GRB2: variants seen among roughly 807,000 people sequenced by gnomAD.
GRB2 encodes the protein growth factor receptor-bound protein 2.
Under a neutral mutation model 27.4 loss-of-function variants are expected in GRB2, and 2 were observed. The observed-to-expected ratio is 0.07, with a 90% CI of 0.03 to 0.23. GRB2 has a LOEUF of 0.23. Among genes scored for constraint, GRB2 ranks in the 10% least tolerant of loss-of-function variants. The pLI is 1.00. For synonymous variants in GRB2, 94 were observed against 99.6 expected (o/e 0.94, Z 0.33); for missense variants, 102 against 282.4 (o/e 0.36, Z 4.58).
chr17:75,328,189 T>C (rs566352955), intron 3 of GRB2, among the ~76,000 whole-genome samples: 2 of 150,934 alleles, frequency 1.3e-5, no homozygotes, highest in African/African-American at 4.9e-5. Flanking sequence ...ATGGGCACAG[T>C]GGTGGGCACC....
In GRB2 at chr17:75,391,807, C is replaced by CAAA. The variant is rs60382091; in HGVS notation, c.78+1741_78+1743dup. Reference sequence around the variant, plus strand: ...TGGGTGACAGAGCGAGACTCCATCTCAAAAAAAAAAAAAAAAAAAAAATTC... The same window carrying CAAA: ...TGGGTGACAGAGCGAGACTCCATCTCAAAAAAAAAAAAAAAAAAAAAAAAATTC... On this transcript the variant is annotated intron_variant, in intron 2 of 5. Coordinates refer to ENST00000316804, the MANE Select transcript of GRB2 (RefSeq NM_002086.5). Among the ~76,000 whole-genome samples the CAAA allele has an allele frequency of 1.9e-3, 226 of 121,740 alleles. 2 individuals are homozygous for CAAA. The highest frequency in any genetic ancestry group is 4.9e-3 in the African/African-American group (118 of 24,310). The allele number at this position is 121,740 out of a possible 152,430, so 79.9% of individuals were successfully genotyped here.
intron 2 of GRB2, among the ~76,000 whole-genome samples, chr17:75,333,348 T>C (rs905342891): frequency 1.3e-5 from 2 of 152,174 alleles, no homozygotes; most frequent in Non-Finnish European, 2.9e-5. Flanking sequence ...ATTGCTGGGA[T>C]TATAGGTGTG....
At chr17:75,334,611 A>C (rs975265001) in intron 2 of GRB2, among the ~76,000 whole-genome samples, 2 of 152,064 alleles carry the variant, frequency 1.3e-5, no homozygotes, top group African/African-American at 4.8e-5. Flanking sequence ...AATTAGGCAC[A>C]GTAAGAGATT....
At chr17:75,332,329 C>T (rs570598320) in intron 3 of GRB2, among the ~76,000 whole-genome samples, 22 of 152,114 alleles carry the variant, frequency 1.4e-4, no homozygotes, top group South Asian at 6.2e-4. Context: ...ATTAAGATAC[C>T]GTCCCACAGC....
At chr17:75,380,571 TAAAC>T (rs1567872888) in intron 2 of GRB2, among the ~76,000 whole-genome samples, 1 of 152,200 alleles carries the variant, frequency 6.6e-6, no homozygotes, top group Non-Finnish European at 1.5e-5. Flanking sequence ...CAGCATAAAC[TAAAC>T]AAAGACTGGT....
chr17:75,386,605 C>A (rs1412748226), intron 2 of GRB2, among the ~76,000 whole-genome samples: 1 of 152,114 alleles, frequency 6.6e-6, no homozygotes, highest in Admixed American at 6.6e-5. Flanking sequence ...ATCTGACATA[C>A]AAAATGACAA....
intron 2 of GRB2, among the ~76,000 whole-genome samples, chr17:75,350,657 A>G (rs1231244562): frequency 6.6e-6 from 1 of 151,962 alleles, no homozygotes; most frequent in Admixed American, 6.6e-5. Flanking sequence ...ACGCGCAGCT[A>G]ATTTTTTTGT....
At chr17:75,342,819 C>T (rs141670378) in intron 2 of GRB2, among the ~76,000 whole-genome samples, 143 of 152,008 alleles carry the variant, frequency 9.4e-4, no homozygotes, top group Middle Eastern at 3.4e-3. Context: ...GAAGCCAAGG[C>T]GGGAGGATGC....
At chr17:75,330,884 T>C (rs4542691) in intron 3 of GRB2, among the ~76,000 whole-genome samples, 91,368 of 152,044 alleles carry the variant, frequency 0.6, 31,928 homozygotes, top group East Asian at 0.87. Flanking sequence ...ATACAACTCA[T>C]GCTGCAGCAC....
At chr17:75,327,223 C>T (rs967562020) in intron 3 of GRB2, among the ~76,000 whole-genome samples, 1 of 151,446 alleles carries the variant, frequency 6.6e-6, no homozygotes, top group Admixed American at 6.6e-5. Flanking sequence ...TATACATAGG[C>T]GCCCGCCACC....
At chr17:75,378,623 T>C (rs973924980) in intron 2 of GRB2, among the ~76,000 whole-genome samples, 1 of 152,156 alleles carries the variant, frequency 6.6e-6, no homozygotes, top group Admixed American at 6.6e-5. Context: ...AGGTAACAAC[T>C]GTTCAGGTGG....
chr17:75,342,943 G>A (rs1413134275), intron 2 of GRB2, among the ~76,000 whole-genome samples: 2 of 151,742 alleles, frequency 1.3e-5, no homozygotes, highest in Admixed American at 6.6e-5. Flanking sequence ...CAACTACTCA[G>A]GAGGCTGAGG....
chr17:75,398,732 T>C (rs970724576), intron 1 of GRB2, among the ~76,000 whole-genome samples: 6 of 152,114 alleles, frequency 3.9e-5, no homozygotes, highest in East Asian at 1.9e-4. Flanking sequence ...TGGTAATCTA[T>C]TGACAACTTT....
chr17:75,403,475 T>G (rs2079077313), intron 1 of GRB2, among the ~76,000 whole-genome samples: 1 of 151,918 alleles, frequency 6.6e-6, no homozygotes, highest in Admixed American at 6.6e-5. Context: ...GCCTCAAACA[T>G]TTAAACGTTT....
intron 2 of GRB2, among the ~76,000 whole-genome samples, chr17:75,356,070 G>A (rs2078731288): frequency 6.6e-6 from 1 of 151,828 alleles, no homozygotes; most frequent in African/African-American, 2.4e-5. Context: ...CTGAGCTCAG[G>A]TAATCCACCC....
intron 2 of GRB2, among the ~76,000 whole-genome samples, chr17:75,378,245 C>A (rs2078906934): frequency 6.6e-6 from 1 of 152,022 alleles, no homozygotes; most frequent in African/African-American, 2.4e-5. Context: ...CAAAAATGAG[C>A]TGAGCGTGGT....
At chr17:75,397,413 G>A (rs2079035371) in intron 1 of GRB2, among the ~76,000 whole-genome samples, 1 of 152,180 alleles carries the variant, frequency 6.6e-6, no homozygotes, top group African/African-American at 2.4e-5. Context: ...CCTCGAAACT[G>A]TTACCAGCCC....
In GRB2 at chr17:75,389,354, G is replaced by A. The variant is rs184885015; in HGVS notation, c.78+4197C>T. Among the ~76,000 whole-genome samples the A allele has an allele frequency of 1.2e-4, 18 of 152,254 alleles. No individual in the cohort carries two copies. The East Asian group carries it at 3.1e-3, about 26-fold the overall frequency. On this transcript the variant is annotated intron_variant, in intron 2 of 5. Coordinates refer to ENST00000316804, the MANE Select transcript of GRB2 (RefSeq NM_002086.5). ...CTGCACACACCTGACTGATGTCAGC[G>A]CTTGCCAGTTTCATCCTTCCTGAAC...
At chr17:75,396,917 G>A (rs1168471720) in intron 1 of GRB2, among the ~76,000 whole-genome samples, 1 of 152,210 alleles carries the variant, frequency 6.6e-6, no homozygotes, top group Non-Finnish European at 1.5e-5. Context: ...AGTACGACCA[G>A]CCATAAGCTT....
Sources: gnomAD v4.1 joint callset for allele counts (sites outside exome capture counted in the v4.1 genomes callset) on GRCh38, gnomAD v4.1.1 for gene constraint, MANE v1.5 for transcripts, NCBI Gene and HGNC (gene_info 2026-07-23, HGNC 2026-07-21) for gene names.